The following PSPC1 variants were observed in gnomAD, a reference collection of about 807,000 sequenced individuals.
The protein encoded by PSPC1 is paraspeckle protein 1.
A neutral mutation model predicts 51.6 loss-of-function variants in PSPC1; 14 were observed. The observed-to-expected ratio is 0.27, with a 90% CI of 0.18 to 0.42. The LOEUF is 0.42. Ranked by LOEUF, PSPC1 falls within the 10% of genes least tolerant of loss-of-function variation. The pLI is 1.00. For synonymous variants in PSPC1, 193 were observed against 231.9 expected, an observed-to-expected ratio of 0.83 and a Z score of 1.53; for missense variants, 406 against 701.1, an observed-to-expected ratio of 0.58 and a Z score of 4.75.
intron 4 of PSPC1, among the ~76,000 whole-genome samples, chr13:19,744,114 C>CA (rs1885708745): frequency 6.6e-6 from 1 of 151,966 alleles, no homozygotes; most frequent in African/African-American, 2.4e-5. Flanking sequence ...ATCTCAAAAA[C>CA]AAAAAAATTA....
At position 19,707,987 on chromosome 13, in the gene PSPC1, C is replaced by T. The variant is rs189051968; in HGVS notation, c.1216+1555G>A. Among the ~76,000 whole-genome samples the T allele has an allele frequency of 4.6e-3, 694 of 152,250 alleles. 5 individuals are homozygous for T. The highest frequency in any genetic ancestry group is 0.027 in the South Asian group (128 of 4,824). ...CTCAATTATGCTTCATAATTTAGAA[C>T]ACTCTTGGTTCATTAATTATTTCAC... On this transcript the variant is annotated intron_variant, in intron 7 of 8. Coordinates refer to ENST00000338910, the MANE Select transcript of PSPC1 (RefSeq NM_001354909.2).
downstream of PSPC1, chr13:19,699,459 T>C (rs1879646525): frequency 6.6e-6 from 1 of 152,018 alleles, no homozygotes; most frequent in Admixed American, 6.5e-5. Context: ...TTTTAATTTT[T>C]AAACTTCAGT....
chr13:19,696,436 AT>A (rs1162991336), intron 6 of PSPC1, among the ~76,000 whole-genome samples: 8 of 152,036 alleles, frequency 5.3e-5, no homozygotes, highest in Non-Finnish European at 1.0e-4. Context: ...TGCTCTCATT[AT>A]GAACCAATTT....
intron 2 of PSPC1, among the ~76,000 whole-genome samples, chr13:19,769,760 A>G (rs1469503967): frequency 6.6e-6 from 1 of 151,884 alleles, no homozygotes; most frequent in African/African-American, 2.4e-5. Flanking sequence ...AAAATAAAAT[A>G]AAAATAATAA....
intron 7 of PSPC1, chr13:19,675,255 T>G (rs1876513940): frequency 6.6e-6 from 1 of 152,234 alleles, no homozygotes; most frequent in Admixed American, 6.5e-5. Context: ...CTATGAGGGA[T>G]GGTTTTTAAA....
At chr13:19,697,093 C>T (rs1425541021) in intron 6 of PSPC1, among the ~76,000 whole-genome samples, 3 of 152,132 alleles carry the variant, frequency 2.0e-5, no homozygotes, top group African/African-American at 7.2e-5. Context: ...CAGTCAACTA[C>T]AGCAACAACA....
At chr13:19,749,872 T>G (rs1886361560) in intron 4 of PSPC1, among the ~76,000 whole-genome samples, 1 of 152,142 alleles carries the variant, frequency 6.6e-6, no homozygotes, top group African/African-American at 2.4e-5. Context: ...CTTATAGAAC[T>G]ACCAAGCTTA....
intron 2 of PSPC1, among the ~76,000 whole-genome samples, chr13:19,764,582 A>G (rs1035525772): frequency 2.0e-5 from 3 of 151,172 alleles, no homozygotes; most frequent in Non-Finnish European, 4.4e-5. Flanking sequence ...GCACTCTGGC[A>G]GACTGAAGTG....
At chr13:19,747,226 A>G (rs1886087647) in intron 4 of PSPC1, among the ~76,000 whole-genome samples, 1 of 152,238 alleles carries the variant, frequency 6.6e-6, no homozygotes, top group Non-Finnish European at 1.5e-5. Flanking sequence ...AAGAGGATGA[A>G]CTAAACTAAT....
chr13:19,742,260 CAAAA>C (rs36104148), intron 4 of PSPC1, among the ~76,000 whole-genome samples: 30 of 119,172 alleles, frequency 2.5e-4, no homozygotes, highest in Non-Finnish European at 2.5e-4. Context: ...GACTCAATCT[CAAAA>C]AAAAAAAAAA....
intron 2 of PSPC1, among the ~76,000 whole-genome samples, chr13:19,766,202 G>A (rs1321076962): frequency 2.6e-5 from 4 of 151,954 alleles, no homozygotes; most frequent in Non-Finnish European, 5.9e-5. Flanking sequence ...GTGAAACCCC[G>A]TCTCTACTAA....
At chr13:19,748,351 C>T (rs1566023837) in intron 4 of PSPC1, among the ~76,000 whole-genome samples, 3 of 152,150 alleles carry the variant, frequency 2.0e-5, no homozygotes, top group Non-Finnish European at 2.9e-5. Context: ...ACAAGTACTT[C>T]GGCACAAGTG....
intron 6 of PSPC1, among the ~76,000 whole-genome samples, chr13:19,726,714 G>A (rs1006419723): frequency 6.6e-6 from 1 of 152,150 alleles, no homozygotes; most frequent in Admixed American, 6.6e-5. Context: ...AACATATCAA[G>A]ACCCCATCTC....
intron 7 of PSPC1, among the ~76,000 whole-genome samples, chr13:19,707,664 T>C (rs185777905): frequency 1.2e-4 from 18 of 152,296 alleles, no homozygotes; most frequent in Non-Finnish European, 2.4e-4. Context: ...ACAAAAATTT[T>C]AAGTTATCTT....
At chr13:19,752,802 G>C (rs1886696220) in intron 3 of PSPC1, among the ~76,000 whole-genome samples, 1 of 151,834 alleles carries the variant, frequency 6.6e-6, no homozygotes, top group African/African-American at 2.4e-5. Context: ...TGGCCAGGCT[G>C]GTCTTGAACT....
At chr13:19,771,803 T>C (rs886664889) in intron 2 of PSPC1, among the ~76,000 whole-genome samples, 22 of 152,100 alleles carry the variant, frequency 1.4e-4, no homozygotes, top group Non-Finnish European at 2.9e-4. Flanking sequence ...GTATTTTTAG[T>C]AGAGATGGGG....
intron 2 of PSPC1, among the ~76,000 whole-genome samples, chr13:19,763,376 A>G (rs971609648): frequency 6.6e-6 from 1 of 152,200 alleles, no homozygotes; most frequent in Non-Finnish European, 1.5e-5. Context: ...GATCAAAAAG[A>G]AACAAATCAA....
chr13:19,758,993 G>C (rs368174941), intron 3 of PSPC1, among the ~76,000 whole-genome samples: 1 of 151,062 alleles, frequency 6.6e-6, no homozygotes, highest in African/African-American at 2.4e-5. Flanking sequence ...TATAAAAAAA[G>C]AAAACTATTA....
At chr13:19,741,508 G>A in intron 5 of PSPC1, 57 bp downstream of exon 5, 1 of 1,236,708 alleles carries the variant, frequency 8.1e-7, no homozygotes, top group East Asian at 2.4e-5. Flanking sequence ...ACAGGTTGTG[G>A]GGAGTTTTTA....
Sources: gnomAD v4.1 joint callset for allele counts (sites outside exome capture counted in the v4.1 genomes callset) on GRCh38, gnomAD v4.1.1 for gene constraint, MANE v1.5 for transcripts, NCBI Gene and HGNC (gene_info 2026-07-23, HGNC 2026-07-21) for gene names.